TRHDE: variants seen among roughly 807,000 people sequenced by gnomAD.
TRHDE encodes the protein thyrotropin-releasing hormone-degrading ectoenzyme.
TRHDE carries 72 observed loss-of-function variants against 125.7 expected under a neutral mutation model. The observed-to-expected ratio is 0.57, with a 90% confidence interval of 0.47 to 0.70. The LOEUF is 0.70. TRHDE is among the 30% of genes least tolerant of loss of function. TRHDE has a pLI of 0.00. For missense variants in TRHDE, 1,110 were observed against 1,327.1 expected (o/e 0.84, Z 2.54); for synonymous variants, 509 against 509.1 (o/e 1.00, Z 0.00).
chr12:72,386,162 A>T (rs1428197867), intron 3 of TRHDE, among the ~76,000 whole-genome samples: 4 of 152,138 alleles, frequency 2.6e-5, no homozygotes, highest in African/African-American at 9.7e-5. Flanking sequence ...AGACCTTCAC[A>T]ACTTTGGGTT....
intron 3 of TRHDE, among the ~76,000 whole-genome samples, chr12:72,437,569 T>C (rs987656982): frequency 1.3e-5 from 2 of 151,866 alleles, no homozygotes; most frequent in Non-Finnish European, 1.5e-5. Flanking sequence ...TGATCACTTT[T>C]ATGGAATCAT....
chr12:72,304,964 G>T (rs999791674), intron 2 of TRHDE, among the ~76,000 whole-genome samples: 9 of 152,208 alleles, frequency 5.9e-5, no homozygotes, highest in Middle Eastern at 3.4e-3. Flanking sequence ...AATGTCCCAC[G>T]TGTCTGTCAT....
chr12:72,662,053 C>G (rs569079654), intron 18 of TRHDE, among the ~76,000 whole-genome samples: 1 of 152,152 alleles, frequency 6.6e-6, no homozygotes. Flanking sequence ...AAAGTTATAA[C>G]CGCATTTTAA....
In TRHDE at chr12:72,192,144, G is replaced by A. The variant is rs572899628; in HGVS notation, n.279+86392G>A. Among the ~76,000 whole-genome samples the A allele has an allele frequency of 3.9e-5, 6 of 152,218 alleles. No individual in the cohort carries two copies. The South Asian group carries it at 1.2e-3, about 32-fold the overall frequency. On this transcript the variant is annotated intron_variant and non_coding_transcript_variant, in intron 2 of 4. Coordinates refer to the TRHDE transcript ENST00000548156. ...TTGTAAAACTTCTTAGTGATTTTATGTAATATTAGAGGAGATTAGTTCAGG... is the reference window on the plus strand; with the variant it reads ...TTGTAAAACTTCTTAGTGATTTTATATAATATTAGAGGAGATTAGTTCAGG...
At chr12:72,441,807 A>G (rs1046158400) in intron 3 of TRHDE, among the ~76,000 whole-genome samples, 1 of 151,960 alleles carries the variant, frequency 6.6e-6, no homozygotes, top group Non-Finnish European at 1.5e-5. Flanking sequence ...CTAGTAAGAA[A>G]TAGAAATGAA....
intron 2 of TRHDE, among the ~76,000 whole-genome samples, chr12:72,354,963 A>C (rs1370062173): frequency 6.6e-6 from 1 of 151,448 alleles, no homozygotes. Context: ...AGTAGAGTGG[A>C]AGCATAGAGG....
In TRHDE at chr12:72,272,620, G is replaced by A. The variant is rs1359117313; in HGVS notation, c.-24G>A. ...GCCCGCGGGGGGTGCCAGAGGGGGC[G>A]GGGGAGGAGGAGGAGGCGGTGTGAT... On this transcript the variant is annotated 5_prime_UTR_variant, in exon 1 of 19. Transcript: ENST00000261180. The surrounding 1 kb of genome is among the most constrained non-coding windows in gnomAD (Gnocchi z 6.7). 4 of 899,350 alleles carry A rather than the reference G, an allele frequency of 4.4e-6. No individual in the cohort carries two copies. The highest frequency in any genetic ancestry group is 6.4e-6 in the Non-Finnish European group (4 of 621,292). 55.7% of individuals were successfully genotyped at this position (899,350 alleles called of 1,614,324 possible).
Position 72,569,999 on chromosome 12 carries a change from TAGAA to T in TRHDE, c.2131+1348_2131+1351del, listed in dbSNP as rs751663806. 2.7e-4 allele frequency among the ~76,000 whole-genome samples: 41 copies of T among 152,190 alleles called. 1 individual carries two copies. Among genetic ancestry groups the T allele is most frequent in the Non-Finnish European group, 5.1e-4 (35 of 68,036 alleles). ...CAGTGAGTTGTTATAATGATCAAATTAGAAAGAAGTCATCGCTCTATAGGATTCC... is the reference window on the plus strand; with the variant it reads ...CAGTGAGTTGTTATAATGATCAAATTAGAAGTCATCGCTCTATAGGATTCC... On this transcript the variant is annotated intron_variant, in intron 10 of 18. Coordinates refer to ENST00000261180, the MANE Select transcript of TRHDE (RefSeq NM_013381.3).
At chr12:72,280,203 CTAG>C (rs777192215) in intron 1 of TRHDE, among the ~76,000 whole-genome samples, 1 of 152,072 alleles carries the variant, frequency 6.6e-6, no homozygotes, top group Non-Finnish European at 1.5e-5. Flanking sequence ...TGCTGTGTGT[CTAG>C]TGTCCTCATC....
At position 72,465,109 on chromosome 12, in the gene TRHDE, A is replaced by G. The variant is rs572656185; in HGVS notation, c.1316-4649A>G. On this transcript the variant is annotated intron_variant, in intron 3 of 18. Coordinates refer to ENST00000261180, the MANE Select transcript of TRHDE (RefSeq NM_013381.3). Reference sequence around the variant, plus strand: ...TATACATTTTAATGGGTATAGTCTCATAACAAATTTCTTTTGCAAAAATTA... The same window carrying G: ...TATACATTTTAATGGGTATAGTCTCGTAACAAATTTCTTTTGCAAAAATTA... Among the ~76,000 whole-genome samples the G allele has an allele frequency of 4.9e-4, 75 of 152,300 alleles. 1 individual carries two copies. The highest frequency in any genetic ancestry group is 6.8e-3 in the Middle Eastern group (2 of 294).
At position 72,273,350 on chromosome 12, in the gene TRHDE, A is replaced by G. The variant is rs1879335341; in HGVS notation, c.707A>G (p.Lys236Arg). The change falls in exon 1 of 19, where the codon AAA (lysine) becomes AGA (arginine). Residue 236 changes from lysine to arginine, a missense_variant. Around this residue, in one of 5 missense-constraint regions of TRHDE, gnomAD observed 72 missense variants for 122.2 expected, o/e 0.59. Coordinates refer to ENST00000261180, the MANE Select transcript of TRHDE (RefSeq NM_013381.3). This position sits in a 1 kb window ranked among gnomAD's most constrained non-coding sequence, Gnocchi z 5.3. ...VLHASRVAVE[K>R]VQLAEDRAFG... ...CACGCTTCCCGAGTGGCGGTGGAGA[A>G]AGTGCAGCTGGCCGAGGACCGGGCG... 1 of 1,613,964 alleles carries G rather than the reference A, an allele frequency of 6.2e-7. No homozygotes were observed. The highest frequency in any genetic ancestry group is 8.5e-7 in the Non-Finnish European group (1 of 1,180,024).
chr12:72,155,039 C>T (rs368631847), intron 2 of TRHDE, among the ~76,000 whole-genome samples: 8 of 152,306 alleles, frequency 5.3e-5, no homozygotes, highest in Middle Eastern at 3.4e-3. Flanking sequence ...ACCAATCAGA[C>T]GTAGATTTGG....
At chr12:72,625,277 CAAAGT>C (rs1287734451) in intron 15 of TRHDE, among the ~76,000 whole-genome samples, 1 of 151,732 alleles carries the variant, frequency 6.6e-6, no homozygotes, top group Non-Finnish European at 1.5e-5. Flanking sequence ...TAAGCCAATA[CAAAGT>C]AAAGTTTTAA....
intron 15 of TRHDE, among the ~76,000 whole-genome samples, chr12:72,643,871 A>C (rs925161526): frequency 1.3e-5 from 2 of 152,196 alleles, no homozygotes; most frequent in Admixed American, 6.5e-5. Flanking sequence ...GGATTTTTAA[A>C]AAAAGTAATT....
chr12:72,296,604 A>G (rs193034058), intron 2 of TRHDE, among the ~76,000 whole-genome samples: 1 of 152,184 alleles, frequency 6.6e-6, no homozygotes, highest in East Asian at 1.9e-4. Context: ...GGGTGCCTTT[A>G]TTGCTTTTAT....
At chr12:72,166,483 T>C (rs920397860) in intron 2 of TRHDE, among the ~76,000 whole-genome samples, 10 of 152,202 alleles carry the variant, frequency 6.6e-5, no homozygotes, top group Non-Finnish European at 1.3e-4. Context: ...TGGTGTGCTA[T>C]GAGACTCTAG....
chr12:72,386,569 C>G (rs1362124588), intron 3 of TRHDE, among the ~76,000 whole-genome samples: 1 of 152,100 alleles, frequency 6.6e-6, no homozygotes, highest in Non-Finnish European at 1.5e-5. Context: ...TTTCTCTCAA[C>G]CACACACATG....
intron 6 of TRHDE, among the ~76,000 whole-genome samples, chr12:72,537,071 T>A (rs566616829): frequency 6.6e-6 from 1 of 152,230 alleles, no homozygotes; most frequent in Non-Finnish European, 1.5e-5. Flanking sequence ...GGTTTCTAAT[T>A]CTGGCTCCAT....
At chr12:72,176,945 GT>G (rs925556178) in intron 2 of TRHDE, among the ~76,000 whole-genome samples, 2 of 151,838 alleles carry the variant, frequency 1.3e-5, no homozygotes, top group African/African-American at 2.4e-5. Flanking sequence ...AAAATAAAAA[GT>G]TTTTTTTGTG....
Sources: gnomAD v4.1 joint callset for allele counts (sites outside exome capture counted in the v4.1 genomes callset) on GRCh38, gnomAD v4.1.1 for gene constraint, gnomAD v4.1.1 regional missense constraint, Gnocchi (gnomAD v3.1) non-coding constraint, MANE v1.5 for transcripts, NCBI Gene and HGNC (gene_info 2026-07-23, HGNC 2026-07-21) for gene names.